Variants in AR observed in about 807,000 individuals in gnomAD.
AR encodes the protein dihydrotestosterone receptor.
In AR, 8 loss-of-function variants were observed where a neutral mutation model predicts 53.9. That is an observed-to-expected ratio of 0.15 (90% CI 0.09 to 0.27). AR has a LOEUF of 0.27. AR is among the 10% of genes least tolerant of loss of function. The probability of loss-of-function intolerance (pLI) is 1.00; values close to 1 mark genes in which losing one functional copy is unlikely to be tolerated. For missense variants in AR, 639 were observed against 742.5 expected, an observed-to-expected ratio of 0.86 and a Z score of 1.62; for synonymous variants, 359 against 316.4, an observed-to-expected ratio of 1.13 and a Z score of -1.43.
chrX:67,724,558 AG>A lies in AR; in HGVS notation c.*723del. ...GAGTGACCCCAGAGCTGAGTTGGGCAGGGGGGTGGACAGAGAGGAGAGGACA... is the reference window on the plus strand; with the variant it reads ...GAGTGACCCCAGAGCTGAGTTGGGCAGGGGGTGGACAGAGAGGAGAGGACA... On this transcript the variant is annotated 3_prime_UTR_variant, in exon 8 of 8. Coordinates refer to ENST00000374690, the MANE Select transcript of AR (RefSeq NM_000044.6). The A allele has an allele frequency of 5.7e-6, 1 of 175,528 alleles. No individual in the cohort carries two copies. Among genetic ancestry groups the A allele is most frequent in the Non-Finnish European group, 1.1e-5 (1 of 91,865 alleles). The allele number at this position is 175,528 out of a possible 1,213,427, so 14.5% of individuals were successfully genotyped here.
rs1024458758 is a variant in AR at position 67,725,692 on chromosome X, TACTC to T, written c.*1857_*1860del. 1.7e-5 allele frequency: 3 copies of T among 173,872 alleles called. No individual in the cohort carries two copies. The highest frequency in any genetic ancestry group is 3.3e-5 in the Non-Finnish European group (3 of 91,431). The allele number at this position is 173,872 out of a possible 1,213,427, so 14.3% of individuals were successfully genotyped here. A position where few individuals can be genotyped will look rare whatever the true frequency, so the allele number is the denominator to read the frequency against. On this transcript the variant is annotated 3_prime_UTR_variant, in exon 8 of 8. Coordinates refer to ENST00000374690, the MANE Select transcript of AR (RefSeq NM_000044.6). ...TGATTCTGGGCTCTGACATTGCCCA[TACTC>T]ACTCAGATTCCCCACCTTTGTTGCT...
chrX:67,628,476 A>G (rs914610641), intron 1 of AR, among the ~76,000 whole-genome samples: 1 of 108,137 alleles, frequency 9.2e-6, no homozygotes, highest in Non-Finnish European at 1.9e-5. Context: ...TGATTTTTGT[A>G]CATTGATTTT....
At chrX:67,675,943 A>T (rs1287601652) in intron 2 of AR, among the ~76,000 whole-genome samples, 1 of 111,524 alleles carries the variant, frequency 9.0e-6, no homozygotes, top group Non-Finnish European at 1.9e-5. Context: ...GGCGCTTGGA[A>T]TCAGAAAATC....
At chrX:67,721,036 G>A (rs2076133576) in intron 5 of AR, among the ~76,000 whole-genome samples, 1 of 111,414 alleles carries the variant, frequency 9.0e-6, no homozygotes, top group Non-Finnish European at 1.9e-5. Flanking sequence ...GCCAAGCATT[G>A]GCCACTTCCC....
At chrX:67,625,265 A>G (rs987929933) in intron 1 of AR, among the ~76,000 whole-genome samples, 2 of 111,452 alleles carry the variant, frequency 1.8e-5, no homozygotes, top group African/African-American at 6.5e-5. Flanking sequence ...AAGTAATTAA[A>G]AATCTAAATA....
chrX:67,632,184 G>C (rs1925178272), intron 1 of AR, among the ~76,000 whole-genome samples: 1 of 113,276 alleles, frequency 8.8e-6, no homozygotes, highest in Admixed American at 9.3e-5. Context: ...GAGCTTCCCA[G>C]CTGCTTTGTT....
intron 2 of AR, among the ~76,000 whole-genome samples, chrX:67,667,336 T>C (rs1927318810): frequency 8.9e-6 from 1 of 111,854 alleles, no homozygotes; most frequent in African/African-American, 3.2e-5. Flanking sequence ...TATACGTTCT[T>C]GGCACCTTTG....
intron 1 of AR, among the ~76,000 whole-genome samples, chrX:67,600,313 G>A (rs959742397): frequency 5.4e-5 from 6 of 111,021 alleles, no homozygotes; most frequent in African/African-American, 2.0e-4. Context: ...ACAGGTCAAT[G>A]GATAAAGAAA....
chrX:67,602,787 CCAGTTGACTTCTGACCTAAAAAAAAAGT>C (rs1470854843), intron 1 of AR, among the ~76,000 whole-genome samples: 1 of 111,278 alleles, frequency 9.0e-6, no homozygotes, highest in African/African-American at 3.3e-5. Flanking sequence ...AGCAGAGAAT[CCAGTTGACTTCTGACCTAAAAAAAAAGT>C]CAGATAATAA....
intron 1 of AR, among the ~76,000 whole-genome samples, chrX:67,627,710 C>T (rs768469314): frequency 9.0e-6 from 1 of 111,625 alleles, no homozygotes; most frequent in Non-Finnish European, 1.9e-5. Flanking sequence ...AAGTCCTTGC[C>T]CATGCCTATG....
chrX:67,635,764 G>C (rs141619624), intron 1 of AR, among the ~76,000 whole-genome samples: 3 of 111,124 alleles, frequency 2.7e-5, no homozygotes, highest in Non-Finnish European at 3.8e-5. Context: ...GAAACCTTCC[G>C]TTCTATGGGG....
chrX:67,717,773 C>T (rs765922651), intron 5 of AR, 151 bp downstream of exon 5: 90 of 879,488 alleles, frequency 1.0e-4, no homozygotes, highest in South Asian at 5.5e-4. Flanking sequence ...CAGTATGAGG[C>T]GGCTTTGCCC....
intron 1 of AR, among the ~76,000 whole-genome samples, chrX:67,621,926 TAG>T (rs1292605434): frequency 1.8e-5 from 2 of 111,751 alleles, no homozygotes; most frequent in African/African-American, 6.5e-5. Flanking sequence ...GCATGGGCTT[TAG>T]AGTTAGCCAG....
intron 2 of AR, among the ~76,000 whole-genome samples, chrX:67,663,526 A>G (rs891494259): frequency 8.9e-6 from 1 of 111,778 alleles, no homozygotes; most frequent in Non-Finnish European, 1.9e-5. Context: ...CTTTGTGGGG[A>G]ACCTGACCTG....
chrX:67,676,285 A>G (rs1429142397), intron 2 of AR, among the ~76,000 whole-genome samples: 1 of 111,951 alleles, frequency 8.9e-6, no homozygotes, highest in Non-Finnish European at 1.9e-5. Context: ...CATAAGGCAC[A>G]TGTCCTCCAG....
intron 5 of AR, among the ~76,000 whole-genome samples, chrX:67,720,695 G>A (rs188845271): frequency 9.0e-6 from 1 of 111,347 alleles, no homozygotes; most frequent in East Asian, 2.8e-4. Context: ...TCTGAGATAG[G>A]ATGCTGAGCT....
At chrX:67,585,630 G>A (rs942956040) in intron 1 of AR, among the ~76,000 whole-genome samples, 1 of 112,320 alleles carries the variant, frequency 8.9e-6, no homozygotes, top group Non-Finnish European at 1.9e-5. Flanking sequence ...AAGGATTTGA[G>A]TCATGCCAGA....
chrX:67,629,560 C>A lies in AR; in HGVS notation c.1617-13696C>A, dbSNP rs1197704846. The stretch of plus-strand genomic sequence containing the variant: ...TTTATTAGTCTTGCTAGCAGTCTAT[C>A]AATTTTGTTGATCCTTTCAAAAAAC... On this transcript the variant is annotated intron_variant, in intron 1 of 7. Coordinates refer to ENST00000374690, the MANE Select transcript of AR (RefSeq NM_000044.6). Among the ~76,000 whole-genome samples the A allele has an allele frequency of 7.3e-5, 8 of 109,361 alleles. No individual in the cohort carries two copies. In the Admixed American group the frequency reaches 7.8e-4, roughly 11 times the overall value. The allele number at this position is 109,361 out of a possible 115,157, so 95.0% of individuals were successfully genotyped here.
At chrX:67,576,065 A>C (rs1922030703) in intron 1 of AR, among the ~76,000 whole-genome samples, 1 of 111,803 alleles carries the variant, frequency 8.9e-6, no homozygotes, top group African/African-American at 3.2e-5. Flanking sequence ...TATACAGGAA[A>C]GATATTCTGT....
Sources: gnomAD v4.1 joint callset for allele counts (sites outside exome capture counted in the v4.1 genomes callset) on GRCh38, gnomAD v4.1.1 for gene constraint, MANE v1.5 for transcripts, NCBI Gene and HGNC (gene_info 2026-07-23, HGNC 2026-07-21) for gene names.